ZSCAN21: variants seen among roughly 807,000 people sequenced by gnomAD.
ZSCAN21 encodes zinc finger and SCAN domain-containing protein 21.
A neutral mutation model predicts 35.6 loss-of-function variants in ZSCAN21; 26 were observed. The observed-to-expected ratio is 0.73, with a 90% CI of 0.54 to 1.01. The LOEUF (loss-of-function observed/expected upper bound fraction) is 1.01. Among genes scored for constraint, ZSCAN21 ranks in the 50% least tolerant of loss-of-function variants. The pLI, the probability that ZSCAN21 is intolerant of heterozygous loss-of-function variation, is 0.00. For missense variants in ZSCAN21, 593 were observed against 587.1 expected (o/e 1.01, Z -0.10); for synonymous variants, 219 against 219.3 (o/e 1.00, Z 0.01).
At chr7:100,057,587 G>A in intron 2 of ZSCAN21, 111 bp from the exon 3 acceptor site, 3 of 1,338,444 alleles carry the variant, frequency 2.2e-6, no homozygotes, top group Middle Eastern at 1.9e-4. Context: ...GGAATGGGAT[G>A]GGTGTTTTCC....
intron 3 of ZSCAN21, among the ~76,000 whole-genome samples, chr7:100,060,683 A>G (rs942924103): frequency 6.6e-6 from 1 of 151,030 alleles, no homozygotes; most frequent in Non-Finnish European, 1.5e-5. Flanking sequence ...CCTGGCCAAC[A>G]TAGTGAAACT....
rs1792524238 is a variant in ZSCAN21, at chr7:100,064,421, T to G, written c.1226T>G (p.Leu409Arg). 6.2e-7 allele frequency: 1 copy of G among 1,612,718 alleles called. No homozygotes were observed. The highest frequency in any genetic ancestry group is 1.1e-5 in the South Asian group (1 of 91,016). Reference protein sequence around the residue: ...QHAGLSSHQRLHTGEKPYKCK... With the variant: ...QHAGLSSHQRRHTGEKPYKCK... Reference sequence around the variant, plus strand: ...GCGGGCCTCAGCTCCCACCAGAGACTCCACACCGGAGAGAAGCCATATAAG... The same window carrying G: ...GCGGGCCTCAGCTCCCACCAGAGACGCCACACCGGAGAGAAGCCATATAAG... The change falls in exon 4 of 4, where the codon CTC (leucine) becomes CGC (arginine). Residue 409 changes from leucine to arginine, a missense_variant. Leu to Arg is a moderately radical substitution (Grantham distance 102). Transcript: ENST00000292450.
At chr7:100,061,099 C>T (rs1294588695) in intron 3 of ZSCAN21, among the ~76,000 whole-genome samples, 1 of 152,100 alleles carries the variant, frequency 6.6e-6, no homozygotes, top group Non-Finnish European at 1.5e-5. Context: ...CGGATTACCC[C>T]CCTCAAAGGA....
chr7:100,063,801 T>A lies in ZSCAN21; in HGVS notation c.606T>A (p.Ser202Arg). 6.2e-7 allele frequency: 1 copy of A among 1,607,110 alleles called. No homozygotes were observed. Among genetic ancestry groups the A allele is most frequent in the Non-Finnish European group, 8.5e-7 (1 of 1,177,556 alleles). Residue 202 changes from serine (S) to arginine (R), a missense_variant, in exon 4 of 4, where the codon AGT (serine) becomes AGA (arginine). Transcript: ENST00000292450. ...TTATTGTTTCAGATTGCAGATTGAG[T>A]ACCCAGCACGAGGAATCAGCAGATG... ...DPRKVRDCRLSTQHEESADEQ... is the reference protein window; with the variant it reads ...DPRKVRDCRLRTQHEESADEQ...
chr7:100,057,728 G>C lies in ZSCAN21; in HGVS notation c.430G>C (p.Val144Leu), dbSNP rs866293759. ...VSTPPNEQKP[V>L]WEKISSSGTA... ...AACTCCTCCAAACGAACAGAAACCGGTGTGGGAGAAGATATCCTCCTCAGG... is the reference window on the plus strand; with the variant it reads ...AACTCCTCCAAACGAACAGAAACCGCTGTGGGAGAAGATATCCTCCTCAGG... The change falls in exon 3 of 4, where the codon GTG becomes CTG. Residue 144 changes from valine to leucine, a missense_variant. Val to Leu is a conservative substitution (Grantham distance 32). Coordinates refer to ENST00000292450, the MANE Select transcript of ZSCAN21 (RefSeq NM_145914.3). 4 of 1,613,404 alleles carry C rather than the reference G, an allele frequency of 2.5e-6. No homozygotes were observed. Among genetic ancestry groups the C allele is most frequent in the Middle Eastern group, 1.7e-4 (1 of 6,056 alleles).
rs762800791 is a variant in ZSCAN21, at chr7:100,064,848, A to G, written c.*231A>G. On this transcript the variant is annotated 3_prime_UTR_variant, in exon 4 of 4. Transcript: ENST00000292450. ...CACTGGAGCAGAGTCCCTTCGCCAC[A>G]CTTAGGGTCCCAGTAAGCCATGCCA... 18 of 1,613,990 alleles carry G rather than the reference A, an allele frequency of 1.1e-5. No homozygotes were observed. The African/African-American group carries it at 1.6e-4, about 14-fold the overall frequency.
chr7:100,053,610 ACAGGATCTTGG>A (rs1791973402), intron 1 of ZSCAN21, among the ~76,000 whole-genome samples: 1 of 135,922 alleles, frequency 7.4e-6, no homozygotes, highest in East Asian at 2.2e-4. Context: ...GAGTGTAGTG[ACAGGATCTTGG>A]CTCACTACAA....
chr7:100,064,644 T>G lies in ZSCAN21; in HGVS notation c.*27T>G, dbSNP rs778308019. 10 of 1,603,054 alleles carry G rather than the reference T, an allele frequency of 6.2e-6. No homozygotes were observed. The South Asian group carries it at 1.1e-4, about 18-fold the overall frequency. ...TTTCAAGCGCTCCTGTTGTTGTCGT[T>G]GTTTTAAACTTTAGAATCTGAAAAC... On this transcript the variant is annotated 3_prime_UTR_variant, in exon 4 of 4. Transcript: ENST00000292450.
rs139367619 is a variant in ZSCAN21, at chr7:100,056,499, C to G, written c.-96-412C>G. ...TTTTTTTTAGAGATGGAATCTCGCT[C>G]TGTTGCGCAGGCTGGAATGCAGTGG... On this transcript the variant is annotated intron_variant, in intron 1 of 3. Transcript: ENST00000292450. Among the ~76,000 whole-genome samples the G allele has an allele frequency of 1.6e-3, 248 of 151,596 alleles. 1 individual carries two copies. The highest frequency in any genetic ancestry group is 5.6e-3 in the African/African-American group (231 of 41,328).
chr7:100,050,828 A>G (rs1347517206), intron 1 of ZSCAN21, among the ~76,000 whole-genome samples: 2 of 152,154 alleles, frequency 1.3e-5, no homozygotes, highest in Admixed American at 6.6e-5. Context: ...GAAGGCTGCT[A>G]TGGAGAAAGT....
Position 100,064,163 on chromosome 7 carries a change from A to G in ZSCAN21, c.968A>G (p.His323Arg). 6.2e-7 allele frequency: 1 copy of G among 1,614,176 alleles called. No individual in the cohort carries two copies. The highest frequency in any genetic ancestry group is 8.5e-7 in the Non-Finnish European group (1 of 1,180,044). ...AGCCACAGCTCAAACCTCACCCTCC[A>G]CTACAGAACACACTTGGTGGACCGG... ...AFSHSSNLTL[H>R]YRTHLVDRPY... Residue 323 changes from histidine (H) to arginine (R), a missense_variant, in exon 4 of 4, where the codon CAC becomes CGC. By Grantham distance (29) the His-to-Arg change is conservative (BLOSUM62 0). Coordinates refer to ENST00000292450, the MANE Select transcript of ZSCAN21 (RefSeq NM_145914.3).
At chr7:100,052,121 G>T (rs1487499642) in intron 1 of ZSCAN21, among the ~76,000 whole-genome samples, 2 of 152,052 alleles carry the variant, frequency 1.3e-5, no homozygotes, top group Admixed American at 6.6e-5. Flanking sequence ...GCTAGATGTG[G>T]TGATGCACAC....
chr7:100,063,656 C>G (rs189265330), intron 3 of ZSCAN21, 132 bp from the exon 4 acceptor site: 2 of 764,018 alleles, frequency 2.6e-6, no homozygotes, highest in African/African-American at 3.5e-5. Flanking sequence ...TGTATCTATG[C>G]GCTATCATGA....
chr7:100,057,112 A>G lies in ZSCAN21; in HGVS notation c.106A>G (p.Lys36Glu). ...AGTCGAGGAGAAAGAAGAGAAAGGC[A>G]AGTACCTTCCTAGCCTGGAGATGTT... ...VKVEEKEEKG[K>E]YLPSLEMFRQ... Residue 36 changes from lysine to glutamate, a missense_variant, in exon 2 of 4, where the codon AAG becomes GAG. Coordinates refer to ENST00000292450, the MANE Select transcript of ZSCAN21 (RefSeq NM_145914.3). 1 of 1,614,148 alleles carries G rather than the reference A, an allele frequency of 6.2e-7. No individual in the cohort carries two copies. The highest frequency in any genetic ancestry group is 8.5e-7 in the Non-Finnish European group (1 of 1,180,038).
intron 3 of ZSCAN21, 64 bp from the exon 4 acceptor site, chr7:100,063,723 TG>T: frequency 6.8e-7 from 1 of 1,472,840 alleles, no homozygotes; most frequent in Non-Finnish European, 9.2e-7. Flanking sequence ...TCTATCTCTC[TG>T]GTAACAGTTT....
rs538336139 is a variant in ZSCAN21, at chr7:100,059,224, T to A, written c.592+1334T>A. ...AGTTTCGAGCCGGTTAAAAATCACA[T>A]TTTCTAGGAAAAGTAAAAAATTAAA... On this transcript the variant is annotated intron_variant, in intron 3 of 3. Transcript: ENST00000292450. 4.0e-3 allele frequency among the ~76,000 whole-genome samples: 611 copies of A among 152,342 alleles called. 3 individuals carry two copies. Among genetic ancestry groups the A allele is most frequent in the Non-Finnish European group, 5.6e-3 (383 of 68,024 alleles).
At chr7:100,051,667 A>C (rs1470465575) in intron 1 of ZSCAN21, 1 of 151,898 alleles carries the variant, frequency 6.6e-6, no homozygotes, top group Non-Finnish European at 1.5e-5. Context: ...TTCTACTTTT[A>C]GAATCTATGG....
Position 100,064,505 on chromosome 7 carries a change from TC to T in ZSCAN21, c.1312del (p.His438ThrfsTer48). 1 of 1,613,906 alleles carries T rather than the reference TC, an allele frequency of 6.2e-7. No individual in the cohort carries two copies. The highest frequency in any genetic ancestry group is 1.1e-5 in the South Asian group (1 of 91,066). ...HSSNFNKHHR[I>X]HTGEKPYWCH... Reference sequence around the variant, plus strand: ...TCCAACTTCAATAAACACCACAGAATCCACACCGGGGAAAAGCCCTACTGGT... The same window carrying T: ...TCCAACTTCAATAAACACCACAGAATCACACCGGGGAAAAGCCCTACTGGT... On this transcript the variant is annotated frameshift_variant, in exon 4 of 4. Transcript: ENST00000292450. LOFTEE classifies it high-confidence loss of function.
chr7:100,063,978 A>T lies in ZSCAN21; in HGVS notation c.783A>T (p.Lys261Asn). The T allele has an allele frequency of 6.2e-7, 1 of 1,614,194 alleles. No individual in the cohort carries two copies. The highest frequency in any genetic ancestry group is 8.5e-7 in the Non-Finnish European group (1 of 1,180,022). Residue 261 changes from lysine to asparagine, a missense_variant, in exon 4 of 4, where the codon AAA (lysine) becomes AAT (asparagine). Transcript: ENST00000292450. ...CTCTTCAAGAGGCAGGCTCCAAGAA[A>T]GGTAGAGAATCAGTTCCTACTAAAC... The part of the protein sequence containing the change: ...KPPLQEAGSK[K>N]GRESVPTKPT...
Sources: allele counts gnomAD v4.1 joint callset (sites outside exome capture counted in the v4.1 genomes callset), GRCh38; gene constraint gnomAD v4.1.1; transcripts MANE v1.5; gene names NCBI Gene and HGNC (gene_info 2026-07-23, HGNC 2026-07-21).